The following GOLGA3 variants were observed in gnomAD, a reference collection of about 807,000 sequenced individuals.
GOLGA3 encodes the protein golgin subfamily A member 3.
In GOLGA3, 75 loss-of-function variants were observed where a neutral mutation model predicts 169.4. The ratio of observed to expected loss-of-function variants is 0.44; its 90% CI spans 0.37 to 0.54. The LOEUF is 0.54. Among genes scored for constraint, GOLGA3 ranks in the 20% least tolerant of loss-of-function variants. The pLI is 0.00. For missense variants in GOLGA3, 1,899 were observed against 1,930.0 expected, an observed-to-expected ratio of 0.98 and a Z score of 0.30; for synonymous variants, 824 against 822.4, an observed-to-expected ratio of 1.00 and a Z score of -0.03.
intron 21 of GOLGA3, among the ~76,000 whole-genome samples, chr12:132,775,525 A>C (rs956094719): frequency 4.6e-5 from 7 of 152,184 alleles, no homozygotes; most frequent in Non-Finnish European, 8.8e-5. Flanking sequence ...ACAATCCAAA[A>C]ATTTGAAATG....
Position 132,822,005 on chromosome 12 carries a change from T to C in GOLGA3, c.124A>G (p.Lys42Glu). 1 of 1,606,384 alleles carries C rather than the reference T, an allele frequency of 6.2e-7. No individual in the cohort carries two copies. Among genetic ancestry groups the C allele is most frequent in the Non-Finnish European group, 8.5e-7 (1 of 1,176,732 alleles). Residue 42 changes from lysine (K) to glutamate (E), a missense_variant, in exon 2 of 24, where the codon AAA becomes GAA. Transcript: ENST00000450791. ...GPLVPPDQQDKVQCAEVNRAS... is the reference protein window; with the variant it reads ...GPLVPPDQQDEVQCAEVNRAS... The stretch of plus-strand genomic sequence containing the variant: ...GAACCTCACGACTTACACTGGACTT[T>C]GTCCTGCTGGTCAGGTGGCACCAGT...
chr12:132,827,203 C>CA (rs1165639881), intron 1 of GOLGA3, among the ~76,000 whole-genome samples: 1 of 152,194 alleles, frequency 6.6e-6, no homozygotes, highest in Non-Finnish European at 1.5e-5. Context: ...AGAGCACAGC[C>CA]AAAAACCAAA....
At chr12:132,826,731 A>G (rs974372927) in intron 1 of GOLGA3, among the ~76,000 whole-genome samples, 13 of 152,174 alleles carry the variant, frequency 8.5e-5, no homozygotes, top group African/African-American at 2.9e-4. Flanking sequence ...GTAGGGCAAT[A>G]AGCTGGCAGT....
In GOLGA3 at chr12:132,789,974, A is replaced by G. The variant is rs889018252; in HGVS notation, c.2548-684T>C. On this transcript the variant is annotated intron_variant, in intron 12 of 23. Coordinates refer to ENST00000450791, the MANE Select transcript of GOLGA3 (RefSeq NM_001389683.1). ...TTTGAACCTGGCAGTTGGAGGTTGC[A>G]GTGAGCGGAGACAGCACTACTGCAC... Among the ~76,000 whole-genome samples the G allele has an allele frequency of 3.8e-4, 57 of 151,712 alleles. 2 individuals are homozygous for G. Among genetic ancestry groups the G allele is most frequent in the Admixed American group, 3.9e-4 (6 of 15,218 alleles).
Position 132,822,102 on chromosome 12 carries a change from A to C in GOLGA3, c.27T>G (p.Asp9Glu). 7 of 1,608,274 alleles carry C rather than the reference A, an allele frequency of 4.4e-6. No homozygotes were observed. Among genetic ancestry groups the C allele is most frequent in the Non-Finnish European group, 5.9e-6 (7 of 1,177,968 alleles). ...TGTGGGATCTGTCCTCCTGGAGGCC[A>C]TCTTGCTCGGCCGACGCGCCGTCCA... MDGASAEQ[D>E]GLQEDRSHSG... Residue 9 changes from aspartate (D) to glutamate (E), a missense_variant, in exon 2 of 24, where the codon GAT (aspartate) becomes GAG (glutamate). Physicochemically the swap from Asp to Glu is conservative, Grantham distance 45 (BLOSUM62 2). Transcript: ENST00000450791.
Position 132,780,718 on chromosome 12 carries a change from GT to G in GOLGA3, c.3582+79del. 4.7e-6 allele frequency: 4 copies of G among 855,906 alleles called. No homozygotes were observed. In the South Asian group the frequency reaches 5.5e-5, roughly 12 times the overall value. 53.0% of individuals were successfully genotyped at this position (855,906 alleles called of 1,614,324 possible). On this transcript the variant is annotated intron_variant, in intron 18 of 23. Coordinates refer to ENST00000450791, the MANE Select transcript of GOLGA3 (RefSeq NM_001389683.1). ...CTGTGTAACTGCTGGAAGGAGGCTG[GT>G]GTGTGAAGGACCCTGCATAGATTTC...
In GOLGA3 at chr12:132,808,165, G is replaced by A. The variant is rs751849655; in HGVS notation, c.904C>T (p.Leu302=). The A allele has an allele frequency of 2.2e-5, 36 of 1,612,826 alleles. 1 individual carries two copies. The Middle Eastern group carries it at 5.0e-4, about 22-fold the overall frequency. The part of the protein sequence containing the change: ...DTDDRLENTS[L]AGDSVSEVDG... ...ACCTCAGACACGCTGTCTCCAGCCA[G>A]GGAGGTGTTCTCCAGACGGTCGTCA... is the stretch of plus-strand genomic sequence containing the variant. The change falls in exon 5 of 24, where the codon CTG becomes TTG. Residue 302 remains leucine (L), a synonymous_variant. Coordinates refer to ENST00000450791, the MANE Select transcript of GOLGA3 (RefSeq NM_001389683.1).
intron 4 of GOLGA3, among the ~76,000 whole-genome samples, chr12:132,809,717 A>G (rs1347279658): frequency 6.6e-6 from 1 of 152,004 alleles, no homozygotes. Flanking sequence ...GATTATCATA[A>G]TATTGGAATA....
intron 12 of GOLGA3, among the ~76,000 whole-genome samples, chr12:132,790,190 C>T (rs1341154624): frequency 6.6e-6 from 1 of 152,002 alleles, no homozygotes; most frequent in Non-Finnish European, 1.5e-5. Flanking sequence ...AAAAATTAGT[C>T]GGGCGTGGTG....
Position 132,826,154 on chromosome 12 carries a change from G to C in GOLGA3, c.-184+2649C>G, listed in dbSNP as rs939690477. On this transcript the variant is annotated intron_variant, in intron 1 of 23. Transcript: ENST00000450791. ...CAACGTGCTCCAGGTCACCAAGGCTGCCAGCACCAAGAAGCAGTTCCAGAA... is the reference window on the plus strand; with the variant it reads ...CAACGTGCTCCAGGTCACCAAGGCTCCCAGCACCAAGAAGCAGTTCCAGAA... 4 of 1,595,100 alleles carry C rather than the reference G, an allele frequency of 2.5e-6. No homozygotes were observed. The African/African-American group carries it at 5.4e-5, about 22-fold the overall frequency.
rs1324898497 is a variant in GOLGA3 at position 132,813,419 on chromosome 12, C to A, written c.407G>T (p.Cys136Phe). ...LSLPMQETQLCSTDSPLPLEK... is the reference protein window; with the variant it reads ...LSLPMQETQLFSTDSPLPLEK... ...CAGGGGCAGGGGAGAATCTGTAGAGCCTGCAGTGGGAAAAGGGCAATTTGG... is the reference window on the plus strand; with the variant it reads ...CAGGGGCAGGGGAGAATCTGTAGAGACTGCAGTGGGAAAAGGGCAATTTGG... Residue 136 changes from cysteine (C) to phenylalanine (F), a missense_variant and splice_region_variant, in exon 4 of 24, where the codon TGC becomes TTC. Transcript: ENST00000450791. 1 of 1,575,186 alleles carries A rather than the reference C, an allele frequency of 6.3e-7. No homozygotes were observed. Among genetic ancestry groups the A allele is most frequent in the Admixed American group, 1.8e-5 (1 of 55,820 alleles).
intron 16 of GOLGA3, chr12:132,783,859 A>G: frequency 2.1e-6 from 3 of 1,410,562 alleles, no homozygotes; most frequent in South Asian, 3.1e-5. Context: ...TACAGGCATG[A>G]GCCACTCGCC....
At chr12:132,796,966 C>T (rs1388119643) in intron 9 of GOLGA3, among the ~76,000 whole-genome samples, 1 of 152,210 alleles carries the variant, frequency 6.6e-6, no homozygotes, top group African/African-American at 2.4e-5. Context: ...CCGACTTTCT[C>T]GTGTGGCGAC....
At position 132,772,995 on chromosome 12, in the gene GOLGA3, A is replaced by C. The variant is rs1462067968; in HGVS notation, c.*110T>G. Reference sequence around the variant, plus strand: ...TATATTTTACTTCTTGTTAAAGGCAAAACAAAACTTAAATTTCATGTCTTA... The same window carrying C: ...TATATTTTACTTCTTGTTAAAGGCACAACAAAACTTAAATTTCATGTCTTA... On this transcript the variant is annotated 3_prime_UTR_variant, in exon 24 of 24. Transcript: ENST00000450791. The C allele has an allele frequency of 1.2e-6, 1 of 844,178 alleles. No individual in the cohort carries two copies. Among genetic ancestry groups the C allele is most frequent in the East Asian group, 3.0e-5 (1 of 33,094 alleles). 52.3% of individuals were successfully genotyped at this position (844,178 alleles called of 1,614,324 possible).
rs1349982504 is a variant in GOLGA3 at position 132,787,805 on chromosome 12, C to T, written c.2812-1018G>A. Among the ~76,000 whole-genome samples, 20 of 56,572 alleles carry T rather than the reference C, an allele frequency of 3.5e-4. 4 individuals carry two copies. The highest frequency in any genetic ancestry group is 4.4e-4 in the Non-Finnish European group (12 of 26,998). The allele number at this position is 56,572 out of a possible 152,430, so 37.1% of individuals were successfully genotyped here. A position where few individuals can be genotyped will look rare whatever the true frequency, so the allele number is the denominator to read the frequency against. Reference sequence around the variant, plus strand: ...CCTCCCCGGAGACCACGGGACCCCTCCCCGGAGACCCCGGGACCCCTCCCC... The same window carrying T: ...CCTCCCCGGAGACCACGGGACCCCTTCCCGGAGACCCCGGGACCCCTCCCC... On this transcript the variant is annotated intron_variant, in intron 13 of 23. Coordinates refer to ENST00000450791, the MANE Select transcript of GOLGA3 (RefSeq NM_001389683.1).
Position 132,801,917 on chromosome 12 carries a change from C to T in GOLGA3, c.1650G>A (p.Val550=). 2 of 1,602,020 alleles carry T rather than the reference C, an allele frequency of 1.2e-6. No individual in the cohort carries two copies. Among genetic ancestry groups the T allele is most frequent in the Non-Finnish European group, 1.7e-6 (2 of 1,179,854 alleles). ...TGGTCAGCGTCGTCCGCTCCAGCTG[C>T]ACCTGCTGAAGCTGGCTCTGCAAGG... ...MTALQSQLQQ[V]QLERTTLTSK... The change falls in exon 8 of 24, where the codon GTG becomes GTA. Residue 550 remains valine (V), a synonymous_variant. Transcript: ENST00000450791.
intron 10 of GOLGA3, among the ~76,000 whole-genome samples, 155 bp from the exon 11 acceptor site, chr12:132,796,375 C>A (rs1291454076): frequency 2.0e-5 from 3 of 152,198 alleles, no homozygotes; most frequent in Admixed American, 6.5e-5. Context: ...AGGGCAAACA[C>A]AGGGTCAGGT....
chr12:132,818,819 G>A (rs1045249160), intron 2 of GOLGA3, among the ~76,000 whole-genome samples: 1 of 152,074 alleles, frequency 6.6e-6, no homozygotes, highest in East Asian at 1.9e-4. Flanking sequence ...AGCAGAGACA[G>A]CCCAGAACCG....
At chr12:132,775,831 C>T (rs2045196419) in intron 21 of GOLGA3, among the ~76,000 whole-genome samples, 1 of 152,246 alleles carries the variant, frequency 6.6e-6, no homozygotes, top group African/African-American at 2.4e-5. Context: ...CTTTCCCGAG[C>T]AGTCAAGACC....
Sources: gnomAD v4.1 joint callset for allele counts (sites outside exome capture counted in the v4.1 genomes callset) on GRCh38, gnomAD v4.1.1 for gene constraint, MANE v1.5 for transcripts, NCBI Gene and HGNC (gene_info 2026-07-23, HGNC 2026-07-21) for gene names.